Variants in EYA3 observed in about 807,000 individuals in gnomAD.
EYA3 encodes the protein protein phosphatase EYA3.
Under a neutral mutation model 80.0 loss-of-function variants are expected in EYA3, and 39 were observed. The observed-to-expected ratio is 0.49, with a 90% CI of 0.38 to 0.64. The LOEUF is 0.64. Among genes scored for constraint, EYA3 ranks in the 30% least tolerant of loss-of-function variants. The pLI is 0.00. For missense variants in EYA3, 523 were observed against 676.1 expected, an observed-to-expected ratio of 0.77 and a Z score of 2.51; for synonymous variants, 206 against 232.8, an observed-to-expected ratio of 0.88 and a Z score of 1.05.
chr1:28,000,524 G>A (rs1179657358), intron 11 of EYA3, among the ~76,000 whole-genome samples: 1 of 152,092 alleles, frequency 6.6e-6, no homozygotes, highest in African/African-American at 2.4e-5. Context: ...ATGTTAGCCA[G>A]GATGGTCTTG....
chr1:28,055,462 CTTTT>C (rs531586344), intron 2 of EYA3, among the ~76,000 whole-genome samples: 14 of 106,942 alleles, frequency 1.3e-4, no homozygotes, highest in African/African-American at 3.4e-4. Flanking sequence ...TAAAGAAAAT[CTTTT>C]TTTTTTTTTT....
At chr1:28,021,609 C>CTT (rs113081277) in intron 7 of EYA3, among the ~76,000 whole-genome samples, 19 of 144,654 alleles carry the variant, frequency 1.3e-4, no homozygotes, top group Admixed American at 9.7e-4. Flanking sequence ...AATCATTCTT[C>CTT]TTTTTTTTTT....
At chr1:28,012,567 ATG>A (rs1402033184) in intron 9 of EYA3, among the ~76,000 whole-genome samples, 3 of 152,222 alleles carry the variant, frequency 2.0e-5, no homozygotes, top group Non-Finnish European at 4.4e-5. Context: ...TGTTTATTAA[ATG>A]TGTGTCTAAT....
chr1:28,023,966 C>T (rs574606385), intron 7 of EYA3, among the ~76,000 whole-genome samples: 55 of 152,284 alleles, frequency 3.6e-4, no homozygotes, highest in East Asian at 1.2e-3. Flanking sequence ...AGGCCAGGCG[C>T]GGTGGCTCAC....
At chr1:28,071,685 G>A (rs1282608858) in intron 1 of EYA3, among the ~76,000 whole-genome samples, 1 of 152,100 alleles carries the variant, frequency 6.6e-6, no homozygotes, top group Non-Finnish European at 1.5e-5. Context: ...CAAGCTGGAA[G>A]AAAAACACTG....
intron 10 of EYA3, among the ~76,000 whole-genome samples, chr1:28,006,131 T>C (rs1641253488): frequency 6.6e-6 from 1 of 151,582 alleles, no homozygotes; most frequent in African/African-American, 2.4e-5. Flanking sequence ...TTAAACATCA[T>C]AACCAAGTGA....
intron 1 of EYA3, among the ~76,000 whole-genome samples, chr1:28,066,659 GA>G (rs1401528027): frequency 6.6e-6 from 1 of 151,626 alleles, no homozygotes; most frequent in Non-Finnish European, 1.5e-5. Flanking sequence ...TCAATTCAAA[GA>G]AAGCATAAAC....
Position 28,015,972 on chromosome 1 carries a change from A to G in EYA3, c.585+1182T>C, listed in dbSNP as rs1298710729. On this transcript the variant is annotated intron_variant, in intron 8 of 17. Transcript: ENST00000373871. ...TTACATATGTTGAACTTAGGGAAAC[A>G]GCAAGACATTAAAGAAAAAAATGTC... Among the ~76,000 whole-genome samples the G allele has an allele frequency of 2.0e-5, 3 of 152,362 alleles. No homozygotes were observed. The East Asian group carries it at 5.8e-4, about 29-fold the overall frequency.
chr1:28,013,369 C>T lies in EYA3; in HGVS notation c.586-75G>A. On this transcript the variant is annotated intron_variant, in intron 8 of 17. Coordinates refer to ENST00000373871, the MANE Select transcript of EYA3 (RefSeq NM_001990.4). This position sits in a 1 kb window ranked among gnomAD's most constrained non-coding sequence, Gnocchi z 4.0. ...TCTCAACACAAGAGGCTTTCTTCTCCCTCTTTCTTATTCATAATTATTTTT... is the reference window on the plus strand; with the variant it reads ...TCTCAACACAAGAGGCTTTCTTCTCTCTCTTTCTTATTCATAATTATTTTT... The T allele has an allele frequency of 8.2e-7, 1 of 1,219,490 alleles. No homozygotes were observed. Among genetic ancestry groups the T allele is most frequent in the Non-Finnish European group, 1.1e-6 (1 of 897,174 alleles). The allele number at this position is 1,219,490 out of a possible 1,614,324, so 75.5% of individuals were successfully genotyped here. A position where few individuals can be genotyped will look rare whatever the true frequency, so the allele number is the denominator to read the frequency against.
chr1:28,008,794 A>G (rs1641480288), intron 10 of EYA3, among the ~76,000 whole-genome samples: 1 of 152,132 alleles, frequency 6.6e-6, no homozygotes, highest in Non-Finnish European at 1.5e-5. Context: ...AAATACAAAA[A>G]TTAACCAGGC....
chr1:27,995,949 T>A (rs1322691163), intron 13 of EYA3, among the ~76,000 whole-genome samples: 1 of 152,112 alleles, frequency 6.6e-6, no homozygotes, highest in Non-Finnish European at 1.5e-5. Context: ...CTCGGCTCAC[T>A]ACAACTTCTG....
intron 11 of EYA3, among the ~76,000 whole-genome samples, chr1:28,002,491 AGACTAGACAC>A (rs1289047838): frequency 6.6e-6 from 1 of 151,886 alleles, no homozygotes; most frequent in African/African-American, 2.4e-5. Flanking sequence ...TCAGCATGCC[AGACTAGACAC>A]TAAAAGCCTG....
At position 28,009,036 on chromosome 1, in the gene EYA3, G is replaced by A. The variant is rs906984209; in HGVS notation, c.909+1911C>T. ...GAACAAACTGGAACCTTTATGTATCGCTGGTAAGAGTATAAAACCGTGCAG... is the reference window on the plus strand; with the variant it reads ...GAACAAACTGGAACCTTTATGTATCACTGGTAAGAGTATAAAACCGTGCAG... On this transcript the variant is annotated intron_variant, in intron 10 of 17. Coordinates refer to ENST00000373871, the MANE Select transcript of EYA3 (RefSeq NM_001990.4). The surrounding 1 kb of genome is among the most constrained non-coding windows in gnomAD (Gnocchi z 4.8). 6.6e-6 allele frequency among the ~76,000 whole-genome samples: 1 copy of A among 152,156 alleles called. No homozygotes were observed. Among genetic ancestry groups the A allele is most frequent in the Non-Finnish European group, 1.5e-5 (1 of 68,028 alleles).
At chr1:27,977,528 T>C in intron 17 of EYA3, 2 of 881,678 alleles carry the variant, frequency 2.3e-6, no homozygotes, top group Non-Finnish European at 3.4e-6. Context: ...TAGCCAAGAC[T>C]CTTTCATCTA....
rs74525723 is a variant in EYA3, at chr1:28,038,439, TA to T, written c.224+399del. On this transcript the variant is annotated intron_variant, in intron 5 of 17. Coordinates refer to ENST00000373871, the MANE Select transcript of EYA3 (RefSeq NM_001990.4). ...CAACAAACAGAGTGAGATTCTATCT[TA>T]AAAAAAAAAAAAAAAAAAAAAAAAC... Among the ~76,000 whole-genome samples the T allele has an allele frequency of 4.8e-3, 326 of 68,498 alleles. 1 individual carries two copies. Among genetic ancestry groups the T allele is most frequent in the Middle Eastern group, 0.014 (2 of 144 alleles). 44.9% of individuals were successfully genotyped at this position (68,498 alleles called of 152,430 possible).
intron 3 of EYA3, among the ~76,000 whole-genome samples, chr1:28,043,647 G>T (rs543029405): frequency 6.6e-6 from 1 of 152,282 alleles, no homozygotes; most frequent in Non-Finnish European, 1.5e-5. Flanking sequence ...AGACCAGCCT[G>T]ACCAACATGG....
chr1:28,086,790 G>C (rs1296708296), intron 1 of EYA3, among the ~76,000 whole-genome samples: 1 of 152,162 alleles, frequency 6.6e-6, no homozygotes, highest in Non-Finnish European at 1.5e-5. Flanking sequence ...AGGTAGTGGG[G>C]AGGAGGTACA....
chr1:28,012,408 C>T (rs1486001659), intron 9 of EYA3, among the ~76,000 whole-genome samples: 3 of 152,104 alleles, frequency 2.0e-5, no homozygotes, highest in African/African-American at 7.2e-5. Context: ...GGTAGGGTGA[C>T]CGCACAGAAA....
intron 6 of EYA3, among the ~76,000 whole-genome samples, chr1:28,034,383 C>T (rs1643328664): frequency 6.6e-6 from 1 of 152,008 alleles, no homozygotes; most frequent in South Asian, 2.1e-4. Context: ...GAAATAAACA[C>T]AAACATATTC....
Sources: gnomAD v4.1 joint callset for allele counts (sites outside exome capture counted in the v4.1 genomes callset) on GRCh38, gnomAD v4.1.1 for gene constraint, Gnocchi (gnomAD v3.1) non-coding constraint, MANE v1.5 for transcripts, NCBI Gene and HGNC (gene_info 2026-07-23, HGNC 2026-07-21) for gene names.